Variants in CSMD1 observed in about 807,000 individuals in gnomAD.
CSMD1 encodes the protein CUB and sushi domain-containing protein 1.
A neutral mutation model predicts 417.5 loss-of-function variants in CSMD1; 213 were observed. The observed-to-expected ratio is 0.51, with a 90% confidence interval of 0.46 to 0.57. The LOEUF is 0.57. CSMD1 is among the 20% of genes least tolerant of loss of function. CSMD1 has a pLI of 0.00. For missense variants in CSMD1, 6,923 were observed against 4,529.7 expected (o/e 1.53, Z -15.17); for synonymous variants, 2,862 against 1,736.8 (o/e 1.65, Z -16.11).
chr8:3,390,433 C>T (rs1378614506), intron 17 of CSMD1, among the ~76,000 whole-genome samples: 1 of 137,046 alleles, frequency 7.3e-6, no homozygotes, highest in Non-Finnish European at 1.6e-5. Context: ...TTATGATAAA[C>T]TAAGACCAGT....
chr8:3,542,055 C>T (rs1330089640), intron 10 of CSMD1, among the ~76,000 whole-genome samples: 1 of 152,082 alleles, frequency 6.6e-6, no homozygotes, highest in Non-Finnish European at 1.5e-5. Context: ...CTACTTCCAC[C>T]TATGTGCACC....
At position 4,578,887 on chromosome 8, in the gene CSMD1, C is replaced by T. The variant is rs1436081354; in HGVS notation, c.302+58455G>A. On this transcript the variant is annotated intron_variant, in intron 2 of 69. Transcript: ENST00000635120. ...TTATAGAAGGCACATTTTACTAGAT[C>T]ATTATTTTGAAATCACCATGTGAAA... 2.0e-5 allele frequency among the ~76,000 whole-genome samples: 3 copies of T among 149,062 alleles called. No homozygotes were observed. The East Asian group carries it at 6.0e-4, about 30-fold the overall frequency.
At chr8:4,468,854 G>A (rs565913364) in intron 2 of CSMD1, among the ~76,000 whole-genome samples, 3 of 152,232 alleles carry the variant, frequency 2.0e-5, no homozygotes, top group South Asian at 2.1e-4. Context: ...TATCAATTAA[G>A]CTAATTATAA....
intron 5 of CSMD1, among the ~76,000 whole-genome samples, chr8:3,888,658 T>C (rs187489189): frequency 3.3e-5 from 5 of 152,232 alleles, no homozygotes; most frequent in East Asian, 1.9e-4. Context: ...TTGAGATTAA[T>C]CTCATTGTGC....
chr8:3,300,692 C>G (rs924008752), intron 25 of CSMD1, among the ~76,000 whole-genome samples: 1 of 152,030 alleles, frequency 6.6e-6, no homozygotes, highest in Non-Finnish European at 1.5e-5. Context: ...CCTGGTGGCT[C>G]ACGCTTCTAA....
At chr8:4,309,600 A>C (rs1168987848) in intron 3 of CSMD1, among the ~76,000 whole-genome samples, 1 of 151,928 alleles carries the variant, frequency 6.6e-6, no homozygotes, top group African/African-American at 2.4e-5. Context: ...CCCTAATAGC[A>C]CTCCCATTTT....
rs1389273099 is a variant in CSMD1, at chr8:4,129,047, G to C, written c.416-96948C>G. Among the ~76,000 whole-genome samples, 14 of 133,926 alleles carry C rather than the reference G, an allele frequency of 1.0e-4. No homozygotes were observed. The East Asian group carries it at 1.1e-3, about 11-fold the overall frequency. 87.9% of individuals were successfully genotyped at this position (133,926 alleles called of 152,430 possible). ...GCCGAGATCGCGCCACTGCACTCCA[G>C]CGTGGTTACAGAGTGAGAGTCCAAC... On this transcript the variant is annotated intron_variant, in intron 3 of 69. Coordinates refer to ENST00000635120, the MANE Select transcript of CSMD1 (RefSeq NM_033225.6).
intron 3 of CSMD1, 58 bp downstream of exon 3, chr8:4,419,895 G>A (rs572615692): frequency 1.8e-6 from 2 of 1,117,308 alleles, no homozygotes; most frequent in East Asian, 5.2e-5. Context: ...ATCCAGTGTA[G>A]CATGTATTAG....
intron 2 of CSMD1, among the ~76,000 whole-genome samples, chr8:4,633,700 A>T (rs1802671567): frequency 6.6e-6 from 1 of 152,022 alleles, no homozygotes; most frequent in African/African-American, 2.4e-5. Context: ...GGACTTACAG[A>T]TGCCTGCCAC....
chr8:3,534,884 G>C (rs773741764), intron 10 of CSMD1, among the ~76,000 whole-genome samples: 1 of 152,124 alleles, frequency 6.6e-6, no homozygotes, highest in Non-Finnish European at 1.5e-5. Context: ...GGAGCTACTT[G>C]GTACAAATGG....
intron 2 of CSMD1, among the ~76,000 whole-genome samples, chr8:4,436,017 C>G (rs1798130638): frequency 6.6e-6 from 1 of 152,206 alleles, no homozygotes; most frequent in African/African-American, 2.4e-5. Context: ...TCATACGCAG[C>G]AGCTTGTTAA....
At chr8:4,301,205 A>C (rs1201780481) in intron 3 of CSMD1, among the ~76,000 whole-genome samples, 1 of 152,144 alleles carries the variant, frequency 6.6e-6, no homozygotes, top group African/African-American at 2.4e-5. Context: ...GGTCTGCTAA[A>C]CTTTTGGCTA....
At chr8:4,969,220 G>T (rs1457843260) in intron 1 of CSMD1, among the ~76,000 whole-genome samples, 2 of 152,024 alleles carry the variant, frequency 1.3e-5, no homozygotes, top group East Asian at 1.9e-4. Flanking sequence ...CTAGTGACTT[G>T]TACAACAAAC....
chr8:3,001,810 A>T (rs1807429195), intron 52 of CSMD1, among the ~76,000 whole-genome samples: 1 of 152,214 alleles, frequency 6.6e-6, no homozygotes, highest in Non-Finnish European at 1.5e-5. Context: ...ACAACCAATG[A>T]TTCTCCATAC....
rs1276430271 is a variant in CSMD1, at chr8:2,936,939, C to G, written c.*1646G>C. ...TTGAACATTCTGACATTTCTATTAC[C>G]AACGCCAATCTAAAATGTGAAACAG... On this transcript the variant is annotated 3_prime_UTR_variant, in exon 70 of 70. Transcript: ENST00000635120. 1 of 152,148 alleles carries G rather than the reference C, an allele frequency of 6.6e-6. No homozygotes were observed. The highest frequency in any genetic ancestry group is 1.5e-5 in the Non-Finnish European group (1 of 68,030). 9.4% of individuals were successfully genotyped at this position (152,148 alleles called of 1,614,324 possible).
chr8:4,924,388 T>A (rs1437872553), intron 1 of CSMD1, among the ~76,000 whole-genome samples: 1 of 152,332 alleles, frequency 6.6e-6, no homozygotes, highest in South Asian at 2.1e-4. Flanking sequence ...AAAAACCATC[T>A]ATATGATATT....
chr8:4,452,187 T>G (rs1235882577), intron 2 of CSMD1, among the ~76,000 whole-genome samples: 8 of 152,172 alleles, frequency 5.3e-5, no homozygotes, highest in Admixed American at 5.2e-4. Flanking sequence ...CTTCGCTTAG[T>G]GCACGTTTCT....
At chr8:3,381,043 C>G (rs1407153776) in intron 18 of CSMD1, among the ~76,000 whole-genome samples, 1 of 152,116 alleles carries the variant, frequency 6.6e-6, no homozygotes, top group African/African-American at 2.4e-5. Flanking sequence ...TTATGTATCT[C>G]AAATGAGTCA....
chr8:3,903,790 C>T (rs565690955), intron 5 of CSMD1, among the ~76,000 whole-genome samples: 8 of 152,238 alleles, frequency 5.3e-5, no homozygotes, highest in East Asian at 3.9e-4. Flanking sequence ...TTGAGCCTCT[C>T]GGATCAGTGT....
Sources: allele counts gnomAD v4.1 joint callset (sites outside exome capture counted in the v4.1 genomes callset), GRCh38; gene constraint gnomAD v4.1.1; transcripts MANE v1.5; gene names NCBI Gene and HGNC (gene_info 2026-07-23, HGNC 2026-07-21).